The following PIEZO2 variants were observed in gnomAD, a reference collection of about 807,000 sequenced individuals.
The protein encoded by PIEZO2 is piezo-type mechanosensitive ion channel component 2.
In PIEZO2, 172 loss-of-function variants were observed where a neutral mutation model predicts 337.3. That is an observed-to-expected ratio of 0.51 (90% CI 0.45 to 0.58). The LOEUF (loss-of-function observed/expected upper bound fraction) is 0.58. PIEZO2 is among the 20% of genes least tolerant of loss of function. The pLI is 0.00. For synonymous variants in PIEZO2, 1,251 were observed against 1,228.5 expected, an observed-to-expected ratio of 1.02 and a Z score of -0.38; for missense variants, 3,028 against 3,391.3, an observed-to-expected ratio of 0.89 and a Z score of 2.66.
chr18:10,720,234 GTATATA>G (rs371910207), intron 36 of PIEZO2, among the ~76,000 whole-genome samples: 10 of 119,920 alleles, frequency 8.3e-5, no homozygotes, highest in African/African-American at 3.3e-4. Flanking sequence ...GTGTGTGTGT[GTATATA>G]TATATATATG....
chr18:11,021,635 G>A lies in PIEZO2; in HGVS notation c.161-41975C>T, dbSNP rs1443445464. On this transcript the variant is annotated intron_variant, in intron 2 of 55. Transcript: ENST00000674853. This position sits in a 1 kb window ranked among gnomAD's most constrained non-coding sequence, Gnocchi z 4.7. ...GTTCCTGGGGGACTTTGAGTCTCAC[G>A]GATCTGGTGATCCAGCACACAGCTC... Among the ~76,000 whole-genome samples the A allele has an allele frequency of 3.9e-5, 6 of 152,146 alleles. No individual in the cohort carries two copies. Among genetic ancestry groups the A allele is most frequent in the African/African-American group, 1.4e-4 (6 of 41,428 alleles).
rs2038987054 is a variant in PIEZO2, at chr18:10,781,635, T to C, written c.2493-1269A>G. On this transcript the variant is annotated intron_variant, in intron 17 of 55. Transcript: ENST00000674853. The surrounding 1 kb of genome is among the most constrained non-coding windows in gnomAD (Gnocchi z 4.1). ...CCTGAGATTGCCTCCTTAGGAATAA[T>C]AATTTCTTCCTATATTATTACATTT... Among the ~76,000 whole-genome samples the C allele has an allele frequency of 6.6e-6, 1 of 152,174 alleles. No individual in the cohort carries two copies.
rs564663362 is a variant in PIEZO2, at chr18:11,104,789, C to T, written c.65-38567G>A. 2.6e-5 allele frequency among the ~76,000 whole-genome samples: 4 copies of T among 152,256 alleles called. No individual in the cohort carries two copies. Among genetic ancestry groups the T allele is most frequent in the East Asian group, 3.9e-4 (2 of 5,168 alleles). On this transcript the variant is annotated intron_variant, in intron 1 of 55. Transcript: ENST00000674853. The surrounding 1 kb of genome is among the most constrained non-coding windows in gnomAD (Gnocchi z 4.6). ...ACATAACTACAATGCAGTATAACGGCGCCTGCTTCTCTTGGGGACCACTCT... is the reference window on the plus strand; with the variant it reads ...ACATAACTACAATGCAGTATAACGGTGCCTGCTTCTCTTGGGGACCACTCT...
intron 28 of PIEZO2, 109 bp downstream of exon 28, chr18:10,752,527 G>A (rs1161531471): frequency 1.6e-6 from 2 of 1,282,450 alleles, no homozygotes; most frequent in Non-Finnish European, 2.1e-6. Context: ...ATCTTATTGG[G>A]GCTTTTAAGA....
Position 10,870,632 on chromosome 18 carries a change from G to T in PIEZO2, c.492+621C>A, listed in dbSNP as rs1201582961. The stretch of plus-strand genomic sequence containing the variant: ...CTCTGATACCCAAGGACGAAAATAG[G>T]ACAAGCTTCCAATTCAGCAGTTGCT... On this transcript the variant is annotated intron_variant, in intron 5 of 55. Coordinates refer to ENST00000674853, the MANE Select transcript of PIEZO2 (RefSeq NM_001378183.1). The surrounding 1 kb of genome is among the most constrained non-coding windows in gnomAD (Gnocchi z 5.3). Among the ~76,000 whole-genome samples, 2 of 151,550 alleles carry T rather than the reference G, an allele frequency of 1.3e-5. No individual in the cohort carries two copies. Among genetic ancestry groups the T allele is most frequent in the African/African-American group, 2.4e-5 (1 of 41,384 alleles).
chr18:10,690,259 C>T (rs539941640), intron 48 of PIEZO2, among the ~76,000 whole-genome samples: 1 of 152,250 alleles, frequency 6.6e-6, no homozygotes, highest in East Asian at 1.9e-4. Flanking sequence ...GTGTGAGGCC[C>T]CTCAGCCGCA....
rs111990912 is a variant in PIEZO2, at chr18:11,120,276, G to A, written c.64+28249C>T. 7.0e-3 allele frequency among the ~76,000 whole-genome samples: 1,068 copies of A among 152,288 alleles called. 8 individuals carry two copies. The highest frequency in any genetic ancestry group is 0.014 in the Middle Eastern group (4 of 294). Reference sequence around the variant, plus strand: ...ATTGCCATGACTCAAGGGCAAGTTCGGAGGCATCTTTTGCATGAAAAATAT... The same window carrying A: ...ATTGCCATGACTCAAGGGCAAGTTCAGAGGCATCTTTTGCATGAAAAATAT... On this transcript the variant is annotated intron_variant, in intron 1 of 55. Coordinates refer to ENST00000674853, the MANE Select transcript of PIEZO2 (RefSeq NM_001378183.1).
At chr18:10,983,872 C>T (rs1228402222) in intron 2 of PIEZO2, among the ~76,000 whole-genome samples, 1 of 152,152 alleles carries the variant, frequency 6.6e-6, no homozygotes, top group Non-Finnish European at 1.5e-5. Context: ...TTCAGTACTT[C>T]AGGGCATTGC....
chr18:10,891,827 G>A (rs2042765678), intron 4 of PIEZO2, among the ~76,000 whole-genome samples: 1 of 152,136 alleles, frequency 6.6e-6, no homozygotes, highest in African/African-American at 2.4e-5. Context: ...CTGTCAAAAG[G>A]TAAAGCTTCT....
intron 1 of PIEZO2, among the ~76,000 whole-genome samples, chr18:11,081,621 A>T (rs1443986907): frequency 6.6e-6 from 1 of 152,154 alleles, no homozygotes; most frequent in Non-Finnish European, 1.5e-5. Flanking sequence ...CCCAGTGCTA[A>T]CCCAGCATGA....
rs770123458 is a variant in PIEZO2, at chr18:10,943,856, C to T, written c.287-32628G>A. ...ACTGAATCATGGGAGCAAGTCTTTC[C>T]AGTGCTGTTCTCATGATAGTGAATG... On this transcript the variant is annotated intron_variant, in intron 3 of 55. Coordinates refer to ENST00000674853, the MANE Select transcript of PIEZO2 (RefSeq NM_001378183.1). The surrounding 1 kb of genome is among the most constrained non-coding windows in gnomAD (Gnocchi z 4.5). Among the ~76,000 whole-genome samples the T allele has an allele frequency of 1.2e-4, 19 of 152,108 alleles. No homozygotes were observed. The highest frequency in any genetic ancestry group is 1.8e-4 in the Non-Finnish European group (12 of 68,034).
At position 11,101,915 on chromosome 18, in the gene PIEZO2, A is replaced by C. The variant is rs1381145323; in HGVS notation, c.65-35693T>G. ...AAACCACACACTAATTTGTAACATGAGTATGTAAACATTTCTGGATATGTT... is the reference window on the plus strand; with the variant it reads ...AAACCACACACTAATTTGTAACATGCGTATGTAAACATTTCTGGATATGTT... On this transcript the variant is annotated intron_variant, in intron 1 of 55. Transcript: ENST00000674853. The surrounding 1 kb of genome is among the most constrained non-coding windows in gnomAD (Gnocchi z 4.4). 1.3e-5 allele frequency among the ~76,000 whole-genome samples: 2 copies of C among 152,216 alleles called. No homozygotes were observed. The highest frequency in any genetic ancestry group is 2.9e-5 in the Non-Finnish European group (2 of 68,046).
chr18:10,848,449 A>G (rs186429627), intron 7 of PIEZO2, among the ~76,000 whole-genome samples: 1 of 151,406 alleles, frequency 6.6e-6, no homozygotes, highest in African/African-American at 2.4e-5. Context: ...CCTTCACTAA[A>G]CAATTCATTT....
At chr18:10,865,711 T>A (rs997806794) in intron 5 of PIEZO2, among the ~76,000 whole-genome samples, 1 of 152,166 alleles carries the variant, frequency 6.6e-6, no homozygotes, top group African/African-American at 2.4e-5. Context: ...GGGTGGAAAT[T>A]CTATTTCAGG....
rs936153059 is a variant in PIEZO2, at chr18:10,670,267, T to C, written c.*1260A>G. On this transcript the variant is annotated 3_prime_UTR_variant, in exon 56 of 56. Coordinates refer to ENST00000674853, the MANE Select transcript of PIEZO2 (RefSeq NM_001378183.1). ...TAAAATGACTTTGCAGGATGTGCTT[T>C]ATTTTAAGTCAGCCCTGAACCCAAA... 1 of 152,208 alleles carries C rather than the reference T, an allele frequency of 6.6e-6. No individual in the cohort carries two copies. Among genetic ancestry groups the C allele is most frequent in the African/African-American group, 2.4e-5 (1 of 41,466 alleles). 9.4% of individuals were successfully genotyped at this position (152,208 alleles called of 1,614,324 possible). A position where few individuals can be genotyped will look rare whatever the true frequency, so the allele number is the denominator to read the frequency against.
chr18:10,732,753 A>T (rs1397483326), intron 35 of PIEZO2, among the ~76,000 whole-genome samples: 2 of 152,188 alleles, frequency 1.3e-5, no homozygotes, highest in African/African-American at 4.8e-5. Context: ...TTTTTAGTAG[A>T]TGTTTATTGG....
At position 10,857,095 on chromosome 18, in the gene PIEZO2, C is replaced by A. The variant is rs1332602102; in HGVS notation, c.609G>T (p.Arg203Ser). Residue 203 changes from arginine (R) to serine (S), a missense_variant, in exon 6 of 56, where the codon AGG (arginine) becomes AGT (serine). Transcript: ENST00000674853. ...TGAGCTTAGAGGCCACAGAGGCAAG[C>A]CTGCGGAACATTTTTAACTTCGTGC... is the stretch of plus-strand genomic sequence containing the variant. The part of the protein sequence containing the change: ...EESTKLKMFR[R>S]LASVASKLKE... 8.5e-6 allele frequency: 13 copies of A among 1,537,506 alleles called. No homozygotes were observed. Among genetic ancestry groups the A allele is most frequent in the Admixed American group, 2.0e-5 (1 of 50,988 alleles).
At chr18:10,741,853 T>A (rs1341243349) in intron 32 of PIEZO2, among the ~76,000 whole-genome samples, 1 of 151,938 alleles carries the variant, frequency 6.6e-6, no homozygotes, top group Non-Finnish European at 1.5e-5. Flanking sequence ...ATATATCCCT[T>A]AAAGAAACAA....
chr18:10,755,750 C>A (rs2037811877), intron 27 of PIEZO2, among the ~76,000 whole-genome samples: 1 of 151,918 alleles, frequency 6.6e-6, no homozygotes, highest in Non-Finnish European at 1.5e-5. Context: ...TCAGGAAGAG[C>A]ACAGGCACAG....
Sources: allele counts gnomAD v4.1 joint callset (sites outside exome capture counted in the v4.1 genomes callset), GRCh38; gene constraint gnomAD v4.1.1; non-coding constraint Gnocchi (gnomAD v3.1); transcripts MANE v1.5; gene names NCBI Gene and HGNC (gene_info 2026-07-23, HGNC 2026-07-21).